The following LRRC4C variants were observed in gnomAD, a reference collection of about 807,000 sequenced individuals.
LRRC4C encodes leucine-rich repeat-containing protein 4C.
In LRRC4C, 5 loss-of-function variants were observed where a neutral mutation model predicts 33.6. That is an observed-to-expected ratio of 0.15 (90% CI 0.08 to 0.31). The LOEUF (loss-of-function observed/expected upper bound fraction) is 0.31. Ranked by LOEUF, LRRC4C falls within the 10% of genes least tolerant of loss-of-function variation. The pLI is 1.00. For synonymous variants in LRRC4C, 329 were observed against 302.0 expected (o/e 1.09, Z -0.93); for missense variants, 560 against 796.7 (o/e 0.70, Z 3.58).
At chr11:40,204,414 A>C (rs1862993771) in intron 5 of LRRC4C, among the ~76,000 whole-genome samples, 2 of 152,120 alleles carry the variant, frequency 1.3e-5, no homozygotes, top group Non-Finnish European at 2.9e-5. Flanking sequence ...TTTACTTTAG[A>C]AAACATGTAA....
At chr11:40,245,300 G>GCATATGTTA (rs1866242009) in intron 4 of LRRC4C, among the ~76,000 whole-genome samples, 1 of 151,966 alleles carries the variant, frequency 6.6e-6, no homozygotes, top group South Asian at 2.1e-4. Flanking sequence ...TCTATTATTT[G>GCATATGTTA]CATATGTTAC....
At chr11:41,074,719 T>C (rs1468828446) in intron 1 of LRRC4C, among the ~76,000 whole-genome samples, 2 of 152,186 alleles carry the variant, frequency 1.3e-5, no homozygotes, top group African/African-American at 4.8e-5. Flanking sequence ...CTGGAGTCCA[T>C]AGAAAGTCCT....
intron 1 of LRRC4C, among the ~76,000 whole-genome samples, chr11:41,457,160 C>T (rs745427776): frequency 6.6e-6 from 1 of 152,024 alleles, no homozygotes; most frequent in Non-Finnish European, 1.5e-5. Context: ...TTAATTTTTA[C>T]CAACACCACA....
intron 1 of LRRC4C, among the ~76,000 whole-genome samples, chr11:41,086,652 T>C (rs867973827): frequency 6.6e-6 from 1 of 152,150 alleles, no homozygotes; most frequent in Non-Finnish European, 1.5e-5. Flanking sequence ...TTGTGCTTTC[T>C]TACAGGCATG....
chr11:40,568,460 A>G (rs1036651620), intron 3 of LRRC4C, among the ~76,000 whole-genome samples: 3 of 152,226 alleles, frequency 2.0e-5, no homozygotes, highest in Admixed American at 2.0e-4. Flanking sequence ...CAGAAACTGT[A>G]AAATTTATTT....
intron 2 of LRRC4C, among the ~76,000 whole-genome samples, chr11:40,849,887 A>G (rs917186367): frequency 8.0e-5 from 12 of 150,850 alleles, no homozygotes; most frequent in African/African-American, 2.2e-4. Flanking sequence ...TTGATTTTCA[A>G]TCTCTGATAG....
intron 1 of LRRC4C, among the ~76,000 whole-genome samples, chr11:41,410,403 T>A (rs1370228056): frequency 2.3e-5 from 3 of 133,270 alleles, no homozygotes; most frequent in Non-Finnish European, 4.6e-5. Context: ...AGTGAGAAAG[T>A]TTTTTTTTTT....
intron 2 of LRRC4C, among the ~76,000 whole-genome samples, chr11:40,858,245 G>A (rs888294128): frequency 1.2e-4 from 18 of 152,130 alleles, no homozygotes; most frequent in South Asian, 2.1e-4. Flanking sequence ...TTCACTGGAC[G>A]TAACTGGGCA....
intron 1 of LRRC4C, among the ~76,000 whole-genome samples, chr11:40,949,512 G>A (rs903678885): frequency 6.6e-6 from 1 of 152,040 alleles, no homozygotes; most frequent in Non-Finnish European, 1.5e-5. Context: ...ACTAACAGCG[G>A]ATCTCTCGGC....
chr11:40,532,289 A>G (rs1340831292), intron 3 of LRRC4C, among the ~76,000 whole-genome samples: 1 of 151,922 alleles, frequency 6.6e-6, no homozygotes, highest in Non-Finnish European at 1.5e-5. Flanking sequence ...GACAAGTAAT[A>G]AAAGTGAGTA....
At chr11:40,335,002 A>T (rs1327842993) in intron 3 of LRRC4C, among the ~76,000 whole-genome samples, 1 of 152,304 alleles carries the variant, frequency 6.6e-6, no homozygotes, top group African/African-American at 2.4e-5. Context: ...AATCCCATGT[A>T]TTTATAACTT....
At chr11:40,926,764 A>G (rs185845920) in intron 2 of LRRC4C, among the ~76,000 whole-genome samples, 8 of 152,310 alleles carry the variant, frequency 5.3e-5, no homozygotes. Context: ...ACACAGAAAT[A>G]CTATGCAAAC....
intron 5 of LRRC4C, among the ~76,000 whole-genome samples, chr11:40,166,454 G>C (rs546876663): frequency 1.3e-5 from 2 of 152,262 alleles, no homozygotes; most frequent in Admixed American, 6.5e-5. Context: ...GGAGCGGGCA[G>C]TTACTGGAAG....
At chr11:41,222,584 G>C (rs16935445) in intron 1 of LRRC4C, among the ~76,000 whole-genome samples, 12 of 152,010 alleles carry the variant, frequency 7.9e-5, no homozygotes, top group Non-Finnish European at 1.6e-4. Context: ...TAAATGCTGC[G>C]GTGGAAGATC....
chr11:40,702,326 G>A (rs1164359060), intron 2 of LRRC4C, among the ~76,000 whole-genome samples: 1 of 152,038 alleles, frequency 6.6e-6, no homozygotes, highest in Non-Finnish European at 1.5e-5. Context: ...TAAATAATCA[G>A]TCTAGAGATT....
At chr11:40,504,555 G>T (rs1381712059) in intron 3 of LRRC4C, among the ~76,000 whole-genome samples, 1 of 152,078 alleles carries the variant, frequency 6.6e-6, no homozygotes, top group Non-Finnish European at 1.5e-5. Context: ...AGTGTGAGTT[G>T]AGTGAAGGGA....
intron 3 of LRRC4C, among the ~76,000 whole-genome samples, chr11:40,410,350 CT>C (rs1174298077): frequency 3.9e-5 from 6 of 151,974 alleles, no homozygotes; most frequent in African/African-American, 1.4e-4. Flanking sequence ...AAATATTTTA[CT>C]TTCTTTTTTT....
intron 1 of LRRC4C, among the ~76,000 whole-genome samples, chr11:40,943,200 C>T (rs1469687809): frequency 6.6e-6 from 1 of 152,162 alleles, no homozygotes; most frequent in Non-Finnish European, 1.5e-5. Context: ...TAACTAAAGG[C>T]TAGGTACTGT....
chr11:40,687,309 A>C (rs1249391481), intron 2 of LRRC4C, among the ~76,000 whole-genome samples: 3 of 152,072 alleles, frequency 2.0e-5, no homozygotes, highest in Admixed American at 6.6e-5. Flanking sequence ...GAAGCCTTCA[A>C]GTCCAAATAA....
Sources: gnomAD v4.1 joint callset for allele counts (sites outside exome capture counted in the v4.1 genomes callset) on GRCh38, gnomAD v4.1.1 for gene constraint, MANE v1.5 for transcripts, NCBI Gene and HGNC (gene_info 2026-07-23, HGNC 2026-07-21) for gene names.